The following PLCB3 variants were observed in gnomAD, a reference collection of about 807,000 sequenced individuals.
The protein encoded by PLCB3 is phospholipase C beta 3.
In PLCB3, 54 loss-of-function variants were observed where a neutral mutation model predicts 152.1. That is an observed-to-expected ratio of 0.36 (90% confidence interval 0.29 to 0.45). The LOEUF (loss-of-function observed/expected upper bound fraction) is 0.45, where lower values mean the gene tolerates loss of function less well. PLCB3 is among the 20% of genes least tolerant of loss of function. The pLI is 1.00. For synonymous variants in PLCB3, 717 were observed against 698.7 expected (o/e 1.03, Z -0.41); for missense variants, 1,248 against 1,687.5 (o/e 0.74, Z 4.56).
Position 64,266,619 on chromosome 11 carries a change from T to G in PLCB3, c.3414+67T>G, listed in dbSNP as rs559776187. The G allele has an allele frequency of 1.7e-5, 26 of 1,485,902 alleles. No homozygotes were observed. Among genetic ancestry groups the G allele is most frequent in the Non-Finnish European group, 2.4e-5 (26 of 1,064,076 alleles). The allele number at this position is 1,485,902 out of a possible 1,614,324, so 92.0% of individuals were successfully genotyped here. On this transcript the variant is annotated intron_variant, in intron 29 of 30. Coordinates refer to ENST00000279230, the MANE Select transcript of PLCB3 (RefSeq NM_000932.5). The surrounding 1 kb of genome is among the most constrained non-coding windows in gnomAD (Gnocchi z 4.9). ...TTCACTCATCAGACACCCATCTCCA[T>G]GCCTGGCCTGGTGCCACGTTGCCCT...
In PLCB3 at chr11:64,266,426, G is replaced by A. The variant is rs761559498; in HGVS notation, c.3356+22G>A. ...AGGCGTAAGGGCACCGGGACCGGGG[G>A]CCATCTGGGTACTGGGGAGGCAGGG... On this transcript the variant is annotated intron_variant, in intron 28 of 30. Transcript: ENST00000279230. This position sits in a 1 kb window ranked among gnomAD's most constrained non-coding sequence, Gnocchi z 4.9. 5 of 1,599,834 alleles carry A rather than the reference G, an allele frequency of 3.1e-6. No homozygotes were observed. The highest frequency in any genetic ancestry group is 3.4e-6 in the Non-Finnish European group (4 of 1,167,400).
Position 64,267,250 on chromosome 11 carries a change from G to T in PLCB3, c.3480G>T (p.Gln1160His). Residue 1160 changes from glutamine to histidine, a missense_variant, in exon 30 of 31, where the codon CAG becomes CAT. Physicochemically the swap from Gln to His is conservative, Grantham distance 24 (BLOSUM62 0). Coordinates refer to ENST00000279230, the MANE Select transcript of PLCB3 (RefSeq NM_000932.5). The surrounding 1 kb of genome is among the most constrained non-coding windows in gnomAD (Gnocchi z 5.2). ...CTGGGCAGCAGCAGGTCCTGCAACA[G>T]CTGGCAGAAGAGGAGCCCAAGGTGA... ...LVAGQQQVLQ[Q>H]LAEEEPKLLA... 1 of 1,550,832 alleles carries T rather than the reference G, an allele frequency of 6.4e-7. No individual in the cohort carries two copies. Among genetic ancestry groups the T allele is most frequent in the Non-Finnish European group, 8.7e-7 (1 of 1,146,990 alleles).
rs2032197719 is a variant in PLCB3 at position 64,267,661 on chromosome 11, A to C, written c.*105A>C. ...TTTTTTTTTTAACTTTTTATCTAGA[A>C]ATTTTATTTTTTTAAACCCGGGGCA... On this transcript the variant is annotated 3_prime_UTR_variant, in exon 31 of 31. Transcript: ENST00000279230. This position sits in a 1 kb window ranked among gnomAD's most constrained non-coding sequence, Gnocchi z 5.2. 2.1e-6 allele frequency: 2 copies of C among 953,384 alleles called. No individual in the cohort carries two copies. The highest frequency in any genetic ancestry group is 5.7e-5 in the Admixed American group (2 of 35,074). The allele number at this position is 953,384 out of a possible 1,614,324, so 59.1% of individuals were successfully genotyped here.
At chr11:64,265,831 C>T (rs1344519974) in intron 25 of PLCB3, 55 bp from the exon 26 acceptor site, 1 of 1,583,524 alleles carries the variant, frequency 6.3e-7, no homozygotes, top group African/African-American at 1.3e-5. Flanking sequence ...CACACCCTCC[C>T]CATCCCAGTC....
intron 21 of PLCB3, 61 bp from the exon 22 acceptor site, chr11:64,263,960 G>T: frequency 7.5e-7 from 1 of 1,328,098 alleles, no homozygotes; most frequent in Non-Finnish European, 1.1e-6. Flanking sequence ...GACCAGAGGT[G>T]GCGGGTGGGG....
rs376974096 is a variant in PLCB3 at position 64,255,703 on chromosome 11, A to T, written c.598-18A>T. 29 of 1,611,446 alleles carry T rather than the reference A, an allele frequency of 1.8e-5. No individual in the cohort carries two copies. In the Middle Eastern group the frequency reaches 8.4e-4, roughly 46 times the overall value. ...CTGCCCGCCCCTGGCTTCTCACCCC[A>T]CACTCCTCGACCTCCAGAGTGAGTC... On this transcript the variant is annotated intron_variant, in intron 7 of 30. Coordinates refer to ENST00000279230, the MANE Select transcript of PLCB3 (RefSeq NM_000932.5). The surrounding 1 kb of genome is among the most constrained non-coding windows in gnomAD (Gnocchi z 6.8).
At chr11:64,259,864 C>A (rs1214059898) in intron 13 of PLCB3, among the ~76,000 whole-genome samples, 165 bp from the exon 14 acceptor site, 3 of 152,208 alleles carry the variant, frequency 2.0e-5, no homozygotes, top group Non-Finnish European at 4.4e-5. Context: ...TGGGTTAATA[C>A]CATCTGACCT....
At chr11:64,257,979 C>A (rs1244992250) in intron 10 of PLCB3, among the ~76,000 whole-genome samples, 5 of 151,944 alleles carry the variant, frequency 3.3e-5, no homozygotes, top group Non-Finnish European at 1.5e-5. Context: ...CATGGTGAAA[C>A]CCCATCTCTA....
At position 64,266,593 on chromosome 11, in the gene PLCB3, C is replaced by T. The variant is rs371435831; in HGVS notation, c.3414+41C>T. 121 of 1,592,554 alleles carry T rather than the reference C, an allele frequency of 7.6e-5. No individual in the cohort carries two copies. The African/African-American group carries it at 1.5e-3, about 20-fold the overall frequency. Reference sequence around the variant, plus strand: ...GGGCCACCCTACCCCACCTCCCTTCCTTCACTCATCAGACACCCATCTCCA... The same window carrying T: ...GGGCCACCCTACCCCACCTCCCTTCTTTCACTCATCAGACACCCATCTCCA... On this transcript the variant is annotated intron_variant, in intron 29 of 30. Coordinates refer to ENST00000279230, the MANE Select transcript of PLCB3 (RefSeq NM_000932.5). The surrounding 1 kb of genome is among the most constrained non-coding windows in gnomAD (Gnocchi z 4.9).
intron 1 of PLCB3, among the ~76,000 whole-genome samples, chr11:64,252,482 A>G (rs1266842979): frequency 1.3e-5 from 2 of 151,938 alleles, no homozygotes; most frequent in Non-Finnish European, 2.9e-5. Context: ...TCCTGGGTGC[A>G]TCCTCTTCTG....
Position 64,260,177 on chromosome 11 carries a change from GGAGGAAGAT to G in PLCB3, c.1683_1691del (p.Asp561_Glu563del). On this transcript the variant is annotated inframe_deletion, in exon 14 of 31. Coordinates refer to ENST00000279230, the MANE Select transcript of PLCB3 (RefSeq NM_000932.5). The stretch of plus-strand genomic sequence containing the variant: ...TTGGACCTGCTGACCGTGAGGATGA[GGAGGAAGAT>G]GAGGAAGAGGAGGAACAGACAGACC... 1 of 1,604,090 alleles carries G rather than the reference GGAGGAAGAT, an allele frequency of 6.2e-7. No individual in the cohort carries two copies. The highest frequency in any genetic ancestry group is 8.5e-7 in the Non-Finnish European group (1 of 1,175,178).
In PLCB3 at chr11:64,261,726, G is replaced by A. The variant is rs968573457; in HGVS notation, c.1913+61G>A. 58 of 1,511,344 alleles carry A rather than the reference G, an allele frequency of 3.8e-5. 1 individual carries two copies. The highest frequency in any genetic ancestry group is 1.8e-4 in the Middle Eastern group (1 of 5,452). The allele number at this position is 1,511,344 out of a possible 1,614,324, so 93.6% of individuals were successfully genotyped here. A position where few individuals can be genotyped will look rare whatever the true frequency, so the allele number is the denominator to read the frequency against. ...GGTGGGGCGCTCGGAGGCCGGCTCC[G>A]GTGTTCTGTCCCCACATATGCCACC... On this transcript the variant is annotated intron_variant, in intron 16 of 30. Transcript: ENST00000279230.
intron 10 of PLCB3, among the ~76,000 whole-genome samples, chr11:64,257,494 G>A (rs927259019): frequency 2.6e-5 from 4 of 152,024 alleles, no homozygotes; most frequent in Admixed American, 2.6e-4. Context: ...GCGCATGCCT[G>A]TGGTCCTAGC....
At position 64,256,447 on chromosome 11, in the gene PLCB3, C is replaced by T. The variant is rs1196436813; in HGVS notation, c.770C>T (p.Pro257Leu). 5.0e-6 allele frequency: 8 copies of T among 1,613,792 alleles called. No individual in the cohort carries two copies. Among genetic ancestry groups the T allele is most frequent in the Admixed American group, 1.7e-5 (1 of 60,030 alleles). ...MDFINQKQRDPRLNEVLYPPL... is the reference protein window; with the variant it reads ...MDFINQKQRDLRLNEVLYPPL... ...TTCATCAACCAGAAGCAACGCGACC[C>T]GAGACTCAACGAAGTGCTGTACCCG... is the stretch of plus-strand genomic sequence containing the variant. Residue 257 changes from proline to leucine, a missense_variant, in exon 9 of 31, where the codon CCG becomes CTG. Around this residue, in one of 6 missense-constraint regions of PLCB3, gnomAD observed 299 missense variants for 434.7 expected, o/e 0.69. Coordinates refer to ENST00000279230, the MANE Select transcript of PLCB3 (RefSeq NM_000932.5).
intron 25 of PLCB3, 25 bp from the exon 26 acceptor site, chr11:64,265,861 T>TG (rs1249009871): frequency 6.2e-7 from 1 of 1,609,216 alleles, no homozygotes; most frequent in South Asian, 1.1e-5. Flanking sequence ...GGCCCAGGCA[T>TG]CACCCAGAGG....
chr11:64,259,994 C>T lies in PLCB3; in HGVS notation c.1526-35C>T, dbSNP rs759154969. The T allele has an allele frequency of 1.9e-6, 3 of 1,580,628 alleles. 1 individual carries two copies. In the South Asian group the frequency reaches 3.4e-5, roughly 18 times the overall value. ...CAGACTTCCTAAGCAGCTGTGTGGTCCTGACCCCTCACCCTGTGGCCCTGT... is the reference window on the plus strand; with the variant it reads ...CAGACTTCCTAAGCAGCTGTGTGGTTCTGACCCCTCACCCTGTGGCCCTGT... On this transcript the variant is annotated intron_variant, in intron 13 of 30. Transcript: ENST00000279230.
chr11:64,251,545 CGGG>C lies in PLCB3; in HGVS notation c.-104_-102del. On this transcript the variant is annotated 5_prime_UTR_variant, in exon 1 of 31. Coordinates refer to ENST00000279230, the MANE Select transcript of PLCB3 (RefSeq NM_000932.5). Reference sequence around the variant, plus strand: ...GGTCCGGGACAGACTGGCGGGCGGGCGGGCACTGACGCCGCGGGGCCGGAGCGG... The same window carrying C: ...GGTCCGGGACAGACTGGCGGGCGGGCCACTGACGCCGCGGGGCCGGAGCGG... 3 of 324,958 alleles carry C rather than the reference CGGG, an allele frequency of 9.2e-6. No individual in the cohort carries two copies. Among genetic ancestry groups the C allele is most frequent in the Non-Finnish European group, 1.0e-5 (2 of 195,986 alleles). The allele number at this position is 324,958 out of a possible 1,614,324, so 20.1% of individuals were successfully genotyped here.
At position 64,267,142 on chromosome 11, in the gene PLCB3, C is replaced by T; in HGVS notation, c.3415-43C>T. The T allele has an allele frequency of 6.5e-7, 1 of 1,529,080 alleles. No homozygotes were observed. 94.7% of individuals were successfully genotyped at this position (1,529,080 alleles called of 1,614,324 possible). A position where few individuals can be genotyped will look rare whatever the true frequency, so the allele number is the denominator to read the frequency against. On this transcript the variant is annotated intron_variant, in intron 29 of 30. Coordinates refer to ENST00000279230, the MANE Select transcript of PLCB3 (RefSeq NM_000932.5). The surrounding 1 kb of genome is among the most constrained non-coding windows in gnomAD (Gnocchi z 5.2). ...AGCCAGAGCCTCGAGGCTCTAGCCC[C>T]TCCCTCAGGGCCCCTCAGCTGAGCC...
At position 64,255,034 on chromosome 11, in the gene PLCB3, C is replaced by A; in HGVS notation, c.383C>A (p.Ala128Asp). 1 of 1,568,330 alleles carries A rather than the reference C, an allele frequency of 6.4e-7. No homozygotes were observed. The change falls in exon 4 of 31, where the codon GCC becomes GAC. Residue 128 changes from alanine to aspartate, a missense_variant. Physicochemically the swap from Ala to Asp is moderately radical, Grantham distance 126. Around this residue, in one of 6 missense-constraint regions of PLCB3, gnomAD observed 299 missense variants for 434.7 expected, o/e 0.69. Coordinates refer to ENST00000279230, the MANE Select transcript of PLCB3 (RefSeq NM_000932.5). This position sits in a 1 kb window ranked among gnomAD's most constrained non-coding sequence, Gnocchi z 6.8. ...LNFMAVQDDTAKVWSEELFKL... is the reference protein window; with the variant it reads ...LNFMAVQDDTDKVWSEELFKL... ...TTCATGGCCGTGCAGGATGACACAG[C>A]CAAGGTGGGCTGGCACCAAGGGGAC...
Sources: allele counts gnomAD v4.1 joint callset (sites outside exome capture counted in the v4.1 genomes callset), GRCh38; gene constraint gnomAD v4.1.1; regional missense constraint gnomAD v4.1.1; non-coding constraint Gnocchi (gnomAD v3.1); transcripts MANE v1.5; gene names NCBI Gene and HGNC (gene_info 2026-07-23, HGNC 2026-07-21).